TYR: variants seen among roughly 807,000 people sequenced by gnomAD.
TYR encodes tyrosinase.
TYR carries 58 observed loss-of-function variants against 51.5 expected under a neutral mutation model. That is an observed-to-expected ratio of 1.13 (90% CI 0.91 to 1.40). TYR has a LOEUF of 1.40. TYR is among the 40% of genes most tolerant of loss of function. TYR has a pLI of 0.00. For missense variants in TYR, 732 were observed against 647.4 expected (o/e 1.13, Z -1.42); for synonymous variants, 263 against 235.2 (o/e 1.12, Z -1.08).
intron 3 of TYR, among the ~76,000 whole-genome samples, chr11:89,273,070 A>C (rs1565419695): frequency 1.3e-5 from 2 of 151,908 alleles, no homozygotes; most frequent in Non-Finnish European, 2.9e-5. Flanking sequence ...TGTTCACTGG[A>C]GTAGCACTTT....
At chr11:89,271,968 T>G (rs530527719) in intron 3 of TYR, among the ~76,000 whole-genome samples, 61 of 152,034 alleles carry the variant, frequency 4.0e-4, no homozygotes, top group African/African-American at 1.3e-3. Flanking sequence ...CAGGGTCTAC[T>G]TGTACTCCAG....
At chr11:89,266,554 G>A (rs184638305) in intron 3 of TYR, among the ~76,000 whole-genome samples, 83 of 151,910 alleles carry the variant, frequency 5.5e-4, no homozygotes, top group Middle Eastern at 3.4e-3. Flanking sequence ...TCCAATCTGC[G>A]TAACACCTCC....
intron 2 of TYR, chr11:89,200,464 T>C (rs867607747): frequency 3.3e-5 from 5 of 152,194 alleles, no homozygotes; most frequent in African/African-American, 9.6e-5. Context: ...ATTTGTACTA[T>C]TTTGGTTTCA....
chr11:89,217,191 C>T (rs1332417075), intron 2 of TYR, among the ~76,000 whole-genome samples: 1 of 152,056 alleles, frequency 6.6e-6, no homozygotes, highest in Non-Finnish European at 1.5e-5. Flanking sequence ...TCTTTAACTC[C>T]AGACCTTTCA....
At chr11:89,244,351 C>T (rs1944237765) in intron 3 of TYR, among the ~76,000 whole-genome samples, 1 of 151,880 alleles carries the variant, frequency 6.6e-6, no homozygotes, top group Non-Finnish European at 1.5e-5. Context: ...CTGACATACT[C>T]TGTATTTCTC....
At chr11:89,289,341 G>A (rs1944830548) in intron 4 of TYR, among the ~76,000 whole-genome samples, 1 of 152,008 alleles carries the variant, frequency 6.6e-6, no homozygotes, top group Non-Finnish European at 1.5e-5. Flanking sequence ...CAATAGCTCT[G>A]TTTGGCTGTG....
At chr11:89,241,965 G>A (rs1944202272) in intron 3 of TYR, among the ~76,000 whole-genome samples, 1 of 151,714 alleles carries the variant, frequency 6.6e-6, no homozygotes, top group Non-Finnish European at 1.5e-5. Context: ...GATACTAAAA[G>A]ATGATACCAC....
intron 3 of TYR, among the ~76,000 whole-genome samples, chr11:89,242,728 G>C (rs1302658927): frequency 6.6e-6 from 1 of 152,026 alleles, no homozygotes; most frequent in Admixed American, 6.6e-5. Flanking sequence ...AGTATCCCTG[G>C]GAGTTCAGAT....
At chr11:89,228,693 A>G (rs1944006442) in intron 3 of TYR, among the ~76,000 whole-genome samples, 1 of 152,194 alleles carries the variant, frequency 6.6e-6, no homozygotes, top group African/African-American at 2.4e-5. Context: ...GACAGAGTGC[A>G]CTATGGCCCA....
chr11:89,238,863 G>A (rs375263952), intron 3 of TYR, among the ~76,000 whole-genome samples: 2 of 152,218 alleles, frequency 1.3e-5, no homozygotes, highest in South Asian at 4.1e-4. Context: ...ATATGATCAT[G>A]TGATTTTTCA....
intron 3 of TYR, among the ~76,000 whole-genome samples, chr11:89,265,522 G>A (rs975577901): frequency 2.6e-5 from 4 of 151,974 alleles, no homozygotes; most frequent in African/African-American, 9.7e-5. Context: ...TAATCAACTT[G>A]GGATTTTAAT....
chr11:89,206,039 TGATA>T (rs1943668486), intron 2 of TYR, among the ~76,000 whole-genome samples: 1 of 151,852 alleles, frequency 6.6e-6, no homozygotes, highest in East Asian at 1.9e-4. Flanking sequence ...TCAAAAAACT[TGATA>T]AATAAAAATG....
At position 89,191,273 on chromosome 11, in the gene TYR, A is replaced by G. The variant is rs61754373; in HGVS notation, c.891A>G (p.Leu297=). Reference sequence around the variant, plus strand: ...GCAATGGAACGCCCGAGGGACCTTTACGGCGTAATCCTGGAAACCATGACA... The same window carrying G: ...GCAATGGAACGCCCGAGGGACCTTTGCGGCGTAATCCTGGAAACCATGACA... ...SLCNGTPEGP[L]RRNPGNHDKS... is the part of the protein sequence containing the mutation. Residue 297 remains leucine, a synonymous_variant, in exon 2 of 5, where the codon TTA becomes TTG. Transcript: ENST00000263321. 1 of 1,613,610 alleles carries G rather than the reference A, an allele frequency of 6.2e-7. No homozygotes were observed. Among genetic ancestry groups the G allele is most frequent in the Non-Finnish European group, 8.5e-7 (1 of 1,179,760 alleles).
At chr11:89,213,244 G>A (rs543105599) in intron 2 of TYR, among the ~76,000 whole-genome samples, 1 of 152,106 alleles carries the variant, frequency 6.6e-6, no homozygotes, top group African/African-American at 2.4e-5. Context: ...AAAAGTCTCA[G>A]GATACAAAAT....
chr11:89,278,029 T>C (rs1944676529), intron 3 of TYR, among the ~76,000 whole-genome samples: 1 of 151,720 alleles, frequency 6.6e-6, no homozygotes, highest in Non-Finnish European at 1.5e-5. Flanking sequence ...TTCACCTTCC[T>C]AGCCTCATCT....
At chr11:89,216,015 A>G (rs889699613) in intron 2 of TYR, among the ~76,000 whole-genome samples, 17 of 152,208 alleles carry the variant, frequency 1.1e-4, no homozygotes, top group Non-Finnish European at 1.8e-4. Flanking sequence ...GGATTTTGGT[A>G]TCTTTAATCA....
chr11:89,198,740 G>A (rs1390749676), intron 2 of TYR, among the ~76,000 whole-genome samples: 1 of 142,204 alleles, frequency 7.0e-6, no homozygotes, highest in Non-Finnish European at 1.5e-5. Context: ...TTACTCAAAA[G>A]GTAACTTTTT....
intron 3 of TYR, among the ~76,000 whole-genome samples, chr11:89,229,492 A>C (rs1944017495): frequency 6.6e-6 from 1 of 152,070 alleles, no homozygotes; most frequent in Admixed American, 6.6e-5. Context: ...CTAAAGATTT[A>C]AGTATGACCA....
intron 2 of TYR, among the ~76,000 whole-genome samples, chr11:89,215,298 G>C (rs566589156): frequency 1.4e-5 from 2 of 138,398 alleles, no homozygotes; most frequent in Admixed American, 7.7e-5. Context: ...ACCAATCACC[G>C]TATGTTCTCA....
Sources: gnomAD v4.1 joint callset for allele counts (sites outside exome capture counted in the v4.1 genomes callset) on GRCh38, gnomAD v4.1.1 for gene constraint, MANE v1.5 for transcripts, NCBI Gene and HGNC (gene_info 2026-07-23, HGNC 2026-07-21) for gene names.